Variants in CSF1R observed in about 807,000 individuals in gnomAD.
CSF1R encodes the protein macrophage colony-stimulating factor 1 receptor.
CSF1R carries 40 observed loss-of-function variants against 110.0 expected under a neutral mutation model. The observed-to-expected ratio is 0.36, with a 90% CI of 0.28 to 0.47. The LOEUF (loss-of-function observed/expected upper bound fraction) is 0.47. CSF1R is among the 20% of genes least tolerant of loss of function. The pLI is 0.99. For missense variants in CSF1R, 1,052 were observed against 1,253.0 expected, an observed-to-expected ratio of 0.84 and a Z score of 2.42; for synonymous variants, 523 against 503.4, an observed-to-expected ratio of 1.04 and a Z score of -0.52.
At chr5:150,068,120 C>T (rs1250026135) in intron 10 of CSF1R, 95 bp downstream of exon 10, 1 of 922,284 alleles carries the variant, frequency 1.1e-6, no homozygotes, top group East Asian at 2.5e-5. Context: ...GATGGACTGA[C>T]TGAGGAGGAG....
upstream of CSF1R, among the ~76,000 whole-genome samples, chr5:150,087,223 T>G (rs939901332): frequency 2.6e-5 from 4 of 152,242 alleles, no homozygotes; most frequent in Admixed American, 6.5e-5. Flanking sequence ...ATCCTCTACA[T>G]CTGGGGTCAG....
At chr5:150,058,676 A>C (rs146067476) in intron 14 of CSF1R, among the ~76,000 whole-genome samples, 1 of 152,212 alleles carries the variant, frequency 6.6e-6, no homozygotes, top group Non-Finnish European at 1.5e-5. Context: ...TCAGAAGAGG[A>C]AGTGATGCTG....
chr5:150,055,950 A>G (rs945397272), intron 18 of CSF1R, 76 bp downstream of exon 18: 6 of 1,372,698 alleles, frequency 4.4e-6, no homozygotes, highest in Admixed American at 1.9e-5. Context: ...CCTGGGCACC[A>G]AACAGCTTTG....
At chr5:150,109,217 C>T (rs1252197755) in intron 1 of CSF1R, among the ~76,000 whole-genome samples, 1 of 152,152 alleles carries the variant, frequency 6.6e-6, no homozygotes, top group Non-Finnish European at 1.5e-5. Context: ...GCAAGAGCCT[C>T]CCTGCAGTGA....
At chr5:150,095,888 C>G (rs924311303) in intron 1 of CSF1R, among the ~76,000 whole-genome samples, 18 of 152,046 alleles carry the variant, frequency 1.2e-4, no homozygotes, top group African/African-American at 4.3e-4. Context: ...TCTATGCCAA[C>G]AAATTCACTA....
intron 19 of CSF1R, 84 bp from the exon 20 acceptor site, chr5:150,054,514 A>AG (rs1757101454): frequency 2.6e-6 from 3 of 1,144,126 alleles, no homozygotes; most frequent in South Asian, 3.1e-5. Flanking sequence ...AGACCTACCC[A>AG]GCAGAGGTCC....
At chr5:150,079,966 C>T (rs1758451008) in intron 3 of CSF1R, 86 bp downstream of exon 3, 1 of 1,498,436 alleles carries the variant, frequency 6.7e-7, no homozygotes, top group Non-Finnish European at 9.1e-7. Context: ...CCCCATCACA[C>T]CCAGTCCCCA....
At chr5:150,061,981 T>C in intron 10 of CSF1R, 132 bp from the exon 11 acceptor site, 5 of 1,238,356 alleles carry the variant, frequency 4.0e-6, no homozygotes, top group Non-Finnish European at 4.6e-6. Flanking sequence ...CAAGGCCTGC[T>C]CTGGGCTGAG....
intron 16 of CSF1R, 107 bp downstream of exon 16, chr5:150,057,180 C>T: frequency 1.1e-6 from 1 of 903,234 alleles, no homozygotes; most frequent in Non-Finnish European, 1.7e-6. Flanking sequence ...CTGTCTCCTC[C>T]CCTACCCCCT....
chr5:150,105,289 AGTG>A (rs1759512829), intron 1 of CSF1R, among the ~76,000 whole-genome samples: 1 of 142,230 alleles, frequency 7.0e-6, no homozygotes, highest in South Asian at 2.4e-4. Context: ...CGGAGGTTGC[AGTG>A]AGCCAACATT....
intron 1 of CSF1R, chr5:150,094,396 G>A (rs1164848751): frequency 3.1e-5 from 49 of 1,599,402 alleles, no homozygotes; most frequent in Middle Eastern, 3.3e-4. Flanking sequence ...AAGATGAAGC[G>A]CCTGAGAAAG....
intron 14 of CSF1R, chr5:150,058,344 T>G: frequency 1.1e-5 from 5 of 456,192 alleles, no homozygotes; most frequent in South Asian, 7.7e-5. Context: ...CTCCTAACGT[T>G]CCAGCCAGAT....
At chr5:150,105,385 T>TATA (rs1491301581) in intron 1 of CSF1R, among the ~76,000 whole-genome samples, 84 of 41,586 alleles carry the variant, frequency 2.0e-3, no homozygotes, top group Middle Eastern at 0.017. Flanking sequence ...TATATATATA[T>TATA]TTTTTTTTTT....
chr5:150,060,614 C>T (rs567695574), intron 13 of CSF1R, among the ~76,000 whole-genome samples: 1 of 152,264 alleles, frequency 6.6e-6, no homozygotes, highest in South Asian at 2.1e-4. Context: ...GGAGCTTGCA[C>T]ATTCATCTCC....
At chr5:150,079,975 C>T in intron 3 of CSF1R, 77 bp downstream of exon 3, 2 of 1,530,936 alleles carry the variant, frequency 1.3e-6, no homozygotes, top group Non-Finnish European at 8.9e-7. Context: ...ACCCAGTCCC[C>T]AGTCACCACC....
rs1284272648 is a variant in CSF1R, at chr5:150,080,776, A to G, written c.298T>C (p.Tyr100His). 1 of 1,613,960 alleles carries G rather than the reference A, an allele frequency of 6.2e-7. No homozygotes were observed. The change falls in exon 2 of 21, where the codon TAT becomes CAT. Residue 100 changes from tyrosine (Y) to histidine (H), a missense_variant. Transcript: ENST00000675795. ...PLGGSAAIHL[Y>H]VKDPARPWNV... ...GGCTCAGACTCCTCACCTTTGACAT[A>G]GAGGTGGATGGCGGCGCTGCCTCCC... is the stretch of plus-strand genomic sequence containing the variant.
At chr5:150,072,503 AAG>A (rs1278127354) in intron 6 of CSF1R, among the ~76,000 whole-genome samples, 2 of 152,112 alleles carry the variant, frequency 1.3e-5, no homozygotes, top group Non-Finnish European at 2.9e-5. Flanking sequence ...AAATAATAAA[AAG>A]AAAGAAAAGA....
chr5:150,111,822 C>A (rs2113873844), intron 1 of CSF1R, among the ~76,000 whole-genome samples: 1 of 152,266 alleles, frequency 6.6e-6, no homozygotes, highest in East Asian at 1.9e-4. Context: ...TCAGGAGCTC[C>A]CCAATTCATT....
intron 10 of CSF1R, among the ~76,000 whole-genome samples, chr5:150,067,866 G>GT (rs953530766): frequency 2.6e-5 from 4 of 152,106 alleles, no homozygotes; most frequent in African/African-American, 7.2e-5. Flanking sequence ...CTTTTTGTTT[G>GT]TTTTTTGAGC....
Sources: gnomAD v4.1 joint callset for allele counts (sites outside exome capture counted in the v4.1 genomes callset) on GRCh38, gnomAD v4.1.1 for gene constraint, MANE v1.5 for transcripts, NCBI Gene and HGNC (gene_info 2026-07-23, HGNC 2026-07-21) for gene names.